Variants in DDB1 observed in about 807,000 individuals in gnomAD.
The protein encoded by DDB1 is damage specific DNA binding protein 1, also known as DNA damage-binding protein 1.
Under a neutral mutation model 133.1 loss-of-function variants are expected in DDB1, and 18 were observed. The observed-to-expected ratio is 0.14, with a 90% CI of 0.09 to 0.20. DDB1 has a LOEUF of 0.20. Among genes scored for constraint, DDB1 ranks in the 10% least tolerant of loss-of-function variants. The pLI, the probability that DDB1 is intolerant of heterozygous loss-of-function variation, is 1.00. For missense variants in DDB1, 828 were observed against 1,459.2 expected, an observed-to-expected ratio of 0.57 and a Z score of 7.05; for synonymous variants, 580 against 550.5, an observed-to-expected ratio of 1.05 and a Z score of -0.75.
rs916893967 is a variant in DDB1, at chr11:61,301,018, G to C, written c.3216-86C>G. 1.9e-6 allele frequency: 3 copies of C among 1,551,762 alleles called. No homozygotes were observed. The African/African-American group carries it at 4.1e-5, about 21-fold the overall frequency. On this transcript the variant is annotated intron_variant, in intron 25 of 26. Coordinates refer to ENST00000301764, the MANE Select transcript of DDB1 (RefSeq NM_001923.5). ...CCTTTGAATAAGACCACAATCTAAA[G>C]CAATCATCAGGATTAGAAAGGAAAT...
chr11:61,304,910 C>CT (rs796407853), intron 21 of DDB1, among the ~76,000 whole-genome samples: 3 of 151,524 alleles, frequency 2.0e-5, no homozygotes, highest in African/African-American at 7.2e-5. Flanking sequence ...AAAGAAACTG[C>CT]TTTTTTCTGT....
chr11:61,324,606 C>T (rs1025963654), intron 6 of DDB1, among the ~76,000 whole-genome samples: 1 of 152,162 alleles, frequency 6.6e-6, no homozygotes, highest in Non-Finnish European at 1.5e-5. Flanking sequence ...GATCACAGTG[C>T]ACTGTAGCCT....
chr11:61,308,722 T>G (rs1855914417), intron 21 of DDB1, among the ~76,000 whole-genome samples: 1 of 152,220 alleles, frequency 6.6e-6, no homozygotes, highest in South Asian at 2.1e-4. Context: ...ACATCCTACG[T>G]GCAGGGACCA....
rs761474672 is a variant in DDB1, at chr11:61,329,521, T to A, written c.391A>T (p.Ile131Phe). The change falls in exon 4 of 27, where the codon ATT (isoleucine) becomes TTT (phenylalanine). Residue 131 changes from isoleucine (I) to phenylalanine (F), a missense_variant. This residue lies in a region of DDB1 where 210 missense variants were observed against 344.8 expected (regional missense o/e 0.61). Transcript: ENST00000301764. ...IGIIDPECRM[I>F]GLRLYDGLFK... The stretch of plus-strand genomic sequence containing the variant: ...AGGCCATCATAGAGACGCAGGCCAA[T>A]CATCCGGCACTCAGGGTCAATGATG... 1 of 1,614,122 alleles carries A rather than the reference T, an allele frequency of 6.2e-7. No individual in the cohort carries two copies. The highest frequency in any genetic ancestry group is 8.5e-7 in the Non-Finnish European group (1 of 1,180,012).
chr11:61,322,971 A>C, intron 8 of DDB1, 40 bp downstream of exon 8: 1 of 1,536,298 alleles, frequency 6.5e-7, no homozygotes, highest in Non-Finnish European at 9.0e-7. Flanking sequence ...AGAAACAGTG[A>C]GTACAGCAAA....
rs768415837 is a variant in DDB1 at position 61,316,342 on chromosome 11, G to A, written c.1353C>T (p.Phe451=). Residue 451 remains phenylalanine (F), a synonymous_variant, in exon 12 of 27, where the codon TTC becomes TTT. Coordinates refer to ENST00000301764, the MANE Select transcript of DDB1 (RefSeq NM_001923.5). ...EEVEETELMG[F]VDDQQTFFCG... ...AGAAGAAAGTCTGCTGATCATCCACGAAACCCATCAGTTCGGTTTCTTCTA... is the reference window on the plus strand; with the variant it reads ...AGAAGAAAGTCTGCTGATCATCCACAAAACCCATCAGTTCGGTTTCTTCTA... The A allele has an allele frequency of 6.2e-6, 10 of 1,614,124 alleles. No individual in the cohort carries two copies. Among genetic ancestry groups the A allele is most frequent in the East Asian group, 4.5e-5 (2 of 44,876 alleles).
intron 16 of DDB1, 45 bp from the exon 17 acceptor site, chr11:61,312,129 G>T: frequency 6.3e-7 from 1 of 1,576,354 alleles, no homozygotes; most frequent in Non-Finnish European, 8.7e-7. Context: ...CTCAAGGAAG[G>T]CAAAGATTCT....
chr11:61,332,583 G>T, intron 1 of DDB1: 1 of 279,210 alleles, frequency 3.6e-6, no homozygotes, highest in Non-Finnish European at 6.7e-6. Context: ...CCTTTTCCTG[G>T]CCACAGAAAG....
In DDB1 at chr11:61,329,505, T is replaced by C. The variant is rs1177765572; in HGVS notation, c.407A>G (p.Tyr136Cys). ...PECRMIGLRL[Y>C]DGLFKVIPLD... ...TGGAATAACCTTGAAAAGGCCATCA[T>C]AGAGACGCAGGCCAATCATCCGGCA... The change falls in exon 4 of 27, where the codon TAT becomes TGT. Residue 136 changes from tyrosine to cysteine, a missense_variant. Transcript: ENST00000301764. The C allele has an allele frequency of 6.2e-7, 1 of 1,614,190 alleles. No individual in the cohort carries two copies. Among genetic ancestry groups the C allele is most frequent in the Non-Finnish European group, 8.5e-7 (1 of 1,180,046 alleles).
chr11:61,310,206 C>T (rs1565240511), intron 19 of DDB1, 89 bp downstream of exon 19: 1 of 1,530,038 alleles, frequency 6.5e-7, no homozygotes, highest in East Asian at 2.3e-5. Flanking sequence ...CAGTCTGCCA[C>T]ATCTGTCAGG....
At position 61,333,052 on chromosome 11, in the gene DDB1, G is replaced by A. The variant is rs372336296; in HGVS notation, c.-84C>T. Reference sequence around the variant, plus strand: ...GCGAAAAGACAGGTGGCCCCCAACAGCGCGCAGCGAACTCCACTGCCGCTG... The same window carrying A: ...GCGAAAAGACAGGTGGCCCCCAACAACGCGCAGCGAACTCCACTGCCGCTG... On this transcript the variant is annotated 5_prime_UTR_variant, in exon 1 of 27. Coordinates refer to ENST00000301764, the MANE Select transcript of DDB1 (RefSeq NM_001923.5). The A allele has an allele frequency of 2.3e-6, 3 of 1,309,078 alleles. No individual in the cohort carries two copies. The African/African-American group carries it at 4.6e-5, about 20-fold the overall frequency. The allele number at this position is 1,309,078 out of a possible 1,614,324, so 81.1% of individuals were successfully genotyped here.
intron 25 of DDB1, chr11:61,301,633 TGA>T (rs1855797309): frequency 1.3e-5 from 2 of 152,156 alleles, no homozygotes. Flanking sequence ...ATGAATAAAC[TGA>T]GACTCAGTGA....
intron 10 of DDB1, among the ~76,000 whole-genome samples, chr11:61,318,794 A>T (rs1171097945): frequency 6.6e-6 from 1 of 152,078 alleles, no homozygotes; most frequent in African/African-American, 2.4e-5. Context: ...TTTTACATTA[A>T]GTTTTTCAAC....
chr11:61,303,481 G>A (rs906379742), intron 22 of DDB1: 5 of 311,960 alleles, frequency 1.6e-5, no homozygotes, highest in South Asian at 3.5e-5. Context: ...GAGGTCAGGA[G>A]ATCGAGACCA....
intron 5 of DDB1, 35 bp from the exon 6 acceptor site, chr11:61,325,743 A>G (rs1474701357): frequency 1.9e-6 from 3 of 1,568,148 alleles, no homozygotes; most frequent in Non-Finnish European, 2.6e-6. Flanking sequence ...AATGCTCAGC[A>G]CTCTGGGTCT....
In DDB1 at chr11:61,328,855, G is replaced by C. The variant is rs560325471; in HGVS notation, c.549+508C>G. Among the ~76,000 whole-genome samples the C allele has an allele frequency of 1.3e-4, 20 of 152,192 alleles. No homozygotes were observed. The South Asian group carries it at 4.2e-3, about 32-fold the overall frequency. ...ATCGCACTCCGGCCTGGGCAACAGA[G>C]TGAGACTCTGTCTCAAAAAAAATAA... On this transcript the variant is annotated intron_variant, in intron 4 of 26. Coordinates refer to ENST00000301764, the MANE Select transcript of DDB1 (RefSeq NM_001923.5).
At chr11:61,322,630 A>G in intron 8 of DDB1, 1 of 559,426 alleles carries the variant, frequency 1.8e-6, no homozygotes, top group Non-Finnish European at 3.2e-6. Flanking sequence ...CCTAGAGTCC[A>G]TGGATGGATT....
chr11:61,322,457 C>T (rs1856197801), intron 8 of DDB1, 45 bp from the exon 9 acceptor site: 1 of 1,405,338 alleles, frequency 7.1e-7, no homozygotes, highest in East Asian at 2.3e-5. Flanking sequence ...AACACCCTAA[C>T]AGACCCACCC....
chr11:61,322,008 A>T (rs762236001), intron 9 of DDB1: 9 of 537,092 alleles, frequency 1.7e-5, no homozygotes, highest in Non-Finnish European at 2.6e-5. Context: ...AAGTTAGGTG[A>T]CTTTGGAAAA....
Sources: allele counts gnomAD v4.1 joint callset (sites outside exome capture counted in the v4.1 genomes callset), GRCh38; gene constraint gnomAD v4.1.1; regional missense constraint gnomAD v4.1.1; transcripts MANE v1.5; gene names NCBI Gene and HGNC (gene_info 2026-07-23, HGNC 2026-07-21).